VWA8: variants seen among roughly 807,000 people sequenced by gnomAD.
VWA8 encodes the protein von Willebrand factor A domain-containing protein 8.
A neutral mutation model predicts 241.5 loss-of-function variants in VWA8; 221 were observed. The ratio of observed to expected loss-of-function variants is 0.91; its 90% CI spans 0.82 to 1.02. VWA8 has a LOEUF of 1.02. Among genes scored for constraint, VWA8 ranks in the 50% least tolerant of loss-of-function variants. The pLI is 0.00. For synonymous variants in VWA8, 852 were observed against 827.1 expected (o/e 1.03, Z -0.52); for missense variants, 2,322 against 2,328.7 (o/e 1.00, Z 0.06).
intron 2 of VWA8, among the ~76,000 whole-genome samples, chr13:41,941,526 A>C (rs1032111543): frequency 1.3e-5 from 2 of 152,242 alleles, no homozygotes; most frequent in African/African-American, 4.8e-5. Context: ...TCCTGCAAAC[A>C]ACCTAAATTA....
At chr13:41,894,812 C>T (rs971578249) in intron 4 of VWA8, among the ~76,000 whole-genome samples, 1 of 151,960 alleles carries the variant, frequency 6.6e-6, no homozygotes, top group Non-Finnish European at 1.5e-5. Context: ...AATATGATAC[C>T]CTGAGATGGG....
At chr13:41,850,622 C>A (rs1190240700) in intron 12 of VWA8, among the ~76,000 whole-genome samples, 2 of 152,194 alleles carry the variant, frequency 1.3e-5, no homozygotes, top group Admixed American at 6.5e-5. Context: ...CCAGGCCAGT[C>A]CACCTAAGGA....
chr13:41,794,239 T>A (rs1034355166), intron 17 of VWA8, among the ~76,000 whole-genome samples: 1 of 152,176 alleles, frequency 6.6e-6, no homozygotes, highest in Non-Finnish European at 1.5e-5. Context: ...GTATGGTCAT[T>A]TTCATACTAA....
At chr13:41,584,209 GA>G (rs1323455084) in intron 42 of VWA8, among the ~76,000 whole-genome samples, 1 of 152,102 alleles carries the variant, frequency 6.6e-6, no homozygotes, top group Non-Finnish European at 1.5e-5. Context: ...AAATAAAGGA[GA>G]AAGTTTAAAA....
At chr13:41,858,692 G>A (rs1872868739) in intron 12 of VWA8, among the ~76,000 whole-genome samples, 1 of 152,096 alleles carries the variant, frequency 6.6e-6, no homozygotes, top group Admixed American at 6.6e-5. Context: ...AGGATTGCTA[G>A]AGTCAACCAT....
chr13:41,858,737 G>A (rs1029198773), intron 12 of VWA8, among the ~76,000 whole-genome samples: 8 of 152,056 alleles, frequency 5.3e-5, no homozygotes, highest in African/African-American at 1.9e-4. Flanking sequence ...GTATATACAT[G>A]GTTCTTGAAA....
chr13:41,613,952 C>T (rs565249810), intron 38 of VWA8, among the ~76,000 whole-genome samples: 8 of 152,180 alleles, frequency 5.3e-5, no homozygotes, highest in South Asian at 2.1e-4. Flanking sequence ...TGGACAGATA[C>T]GTGAGCTAGT....
intron 24 of VWA8, 109 bp from the exon 25 acceptor site, chr13:41,721,684 G>C: frequency 1.7e-6 from 2 of 1,170,074 alleles, no homozygotes; most frequent in Non-Finnish European, 2.4e-6. Flanking sequence ...TCAAAGCATA[G>C]AAAGCCCATC....
At chr13:41,702,382 A>G (rs2045256121) in intron 27 of VWA8, among the ~76,000 whole-genome samples, 1 of 152,198 alleles carries the variant, frequency 6.6e-6, no homozygotes, top group African/African-American at 2.4e-5. Context: ...AGGTTTTGCC[A>G]ATTAAATGCA....
intron 40 of VWA8, among the ~76,000 whole-genome samples, chr13:41,602,942 A>G (rs1028253131): frequency 1.3e-5 from 2 of 152,132 alleles, no homozygotes; most frequent in African/African-American, 4.8e-5. Context: ...TATTTTAGCT[A>G]CTTATTCAAG....
chr13:41,960,738 C>G, intron 1 of VWA8, 115 bp downstream of exon 1: 2 of 1,355,116 alleles, frequency 1.5e-6, no homozygotes, highest in Admixed American at 3.3e-5. Flanking sequence ...GCTCCCCGCT[C>G]GGCAAACGGT....
rs773532229 is a variant in VWA8, at chr13:41,587,573, C to A, written c.5210G>T (p.Arg1737Leu). Residue 1737 changes from arginine (R) to leucine (L), a missense_variant, in exon 42 of 45, where the codon CGC (arginine) becomes CTC (leucine). Arg to Leu is a moderately radical substitution (Grantham distance 102). Coordinates refer to ENST00000379310, the MANE Select transcript of VWA8 (RefSeq NM_015058.2). ...GACCATACACACAGCCTCCATTGTG[C>A]GCTCAAGCCGGCCATCCATCCTGTT... Reference protein sequence around the residue: ...RFNRMDGRLERTMEAVCMVME... With the variant: ...RFNRMDGRLELTMEAVCMVME... 1 of 1,614,182 alleles carries A rather than the reference C, an allele frequency of 6.2e-7. No homozygotes were observed. Among genetic ancestry groups the A allele is most frequent in the South Asian group, 1.1e-5 (1 of 91,078 alleles).
At chr13:41,750,206 G>A (rs953535202) in intron 21 of VWA8, among the ~76,000 whole-genome samples, 7 of 151,840 alleles carry the variant, frequency 4.6e-5, no homozygotes, top group Non-Finnish European at 1.0e-4. Flanking sequence ...AGGCTGAGGC[G>A]GGCAGATCAC....
intron 2 of VWA8, among the ~76,000 whole-genome samples, chr13:41,913,507 C>T (rs1478553646): frequency 1.3e-5 from 2 of 152,162 alleles, no homozygotes; most frequent in African/African-American, 2.4e-5. Flanking sequence ...CGGATTAGTT[C>T]AAAGATCCAA....
rs781488973 is a variant in VWA8, at chr13:41,685,039, CT to C, written c.4327+7del. The C allele has an allele frequency of 3.7e-6, 6 of 1,610,868 alleles. No individual in the cohort carries two copies. In the Admixed American group the frequency reaches 8.4e-5, roughly 23 times the overall value. ...TTGTAAATTAGGAATTGGTGAGTTC[CT>C]TCTTACCTTTTGGGTAGATATCTTT... On this transcript the variant is annotated splice_region_variant and intron_variant, in intron 35 of 44. Coordinates refer to ENST00000379310, the MANE Select transcript of VWA8 (RefSeq NM_015058.2).
intron 12 of VWA8, among the ~76,000 whole-genome samples, chr13:41,858,847 A>C (rs376393960): frequency 1.3e-5 from 2 of 152,168 alleles, no homozygotes; most frequent in African/African-American, 4.8e-5. Context: ...AATACTAAGA[A>C]GACAGGAAGG....
At chr13:41,850,119 T>C (rs867300385) in intron 12 of VWA8, among the ~76,000 whole-genome samples, 3 of 152,190 alleles carry the variant, frequency 2.0e-5, no homozygotes, top group Admixed American at 6.5e-5. Flanking sequence ...TTTGGTGGGA[T>C]TCCTTGGTCA....
chr13:41,855,458 TATAAAC>T (rs1158622606), intron 12 of VWA8, among the ~76,000 whole-genome samples: 2 of 149,488 alleles, frequency 1.3e-5, no homozygotes, highest in Non-Finnish European at 3.0e-5. Context: ...GAAATACTGA[TATAAAC>T]ATAAATTAAA....
intron 12 of VWA8, chr13:41,864,752 T>C: frequency 3.5e-6 from 1 of 287,162 alleles, no homozygotes; most frequent in Non-Finnish European, 6.8e-6. Context: ...AAAAAGGAAG[T>C]GGTAATGGTT....
Sources: allele counts gnomAD v4.1 joint callset (sites outside exome capture counted in the v4.1 genomes callset), GRCh38; gene constraint gnomAD v4.1.1; transcripts MANE v1.5; gene names NCBI Gene and HGNC (gene_info 2026-07-23, HGNC 2026-07-21).